The following DDX3X variants were observed in gnomAD, a reference collection of about 807,000 sequenced individuals.
DDX3X encodes ATP-dependent RNA helicase DDX3X.
In DDX3X, 4 loss-of-function variants were observed where a neutral mutation model predicts 52.7. That is an observed-to-expected ratio of 0.08 (90% CI 0.04 to 0.17). The LOEUF (loss-of-function observed/expected upper bound fraction) is 0.17, where lower values mean the gene tolerates loss of function less well. Ranked by LOEUF, DDX3X falls within the 10% of genes least tolerant of loss-of-function variation. The pLI is 1.00. For missense variants in DDX3X, 222 were observed against 548.6 expected, an observed-to-expected ratio of 0.40 and a Z score of 5.95; for synonymous variants, 192 against 178.1, an observed-to-expected ratio of 1.08 and a Z score of -0.62.
Position 41,348,246 on chromosome X carries a change from C to G in DDX3X, c.*527C>G, listed in dbSNP as rs1278700251. 10 of 155,339 alleles carry G rather than the reference C, an allele frequency of 6.4e-5. No homozygotes were observed. Among genetic ancestry groups the G allele is most frequent in the Middle Eastern group, 2.4e-3 (1 of 411 alleles). 12.8% of individuals were successfully genotyped at this position (155,339 alleles called of 1,213,427 possible). A position where few individuals can be genotyped will look rare whatever the true frequency, so the allele number is the denominator to read the frequency against. ...CTGCATTAGGGCTTTTTGATACTTG[C>G]AGATTGGGGGAAAACAACAAATGTC... On this transcript the variant is annotated 3_prime_UTR_variant, in exon 17 of 17. Transcript: ENST00000644876.
intron 1 of DDX3X, 114 bp downstream of exon 1, chrX:41,334,411 C>T: frequency 2.7e-6 from 3 of 1,129,547 alleles, no homozygotes; most frequent in South Asian, 4.2e-5. Context: ...CTGGGTGCCC[C>T]GGGCTGGCGG....
At chrX:41,352,149 CCT>C (rs751413952), downstream of DDX3X, among the ~76,000 whole-genome samples, 7 of 111,484 alleles carry the variant, frequency 6.3e-5, no homozygotes, top group South Asian at 2.6e-3. Context: ...GATACTATCT[CCT>C]CTAGGTGAAC....
Position 41,340,815 on chromosome X carries a change from G to A in DDX3X, c.152-669G>A, listed in dbSNP as rs888451700. On this transcript the variant is annotated intron_variant, in intron 3 of 16. Coordinates refer to ENST00000644876, the MANE Select transcript of DDX3X (RefSeq NM_001356.5). ...ACCTCCAAGAAACATGGAAACAATG[G>A]TAACTGTTTTTCCTAGTAAACTCAT... The A allele has an allele frequency of 1.7e-5, 5 of 294,767 alleles. No individual in the cohort carries two copies. The East Asian group carries it at 2.4e-4, about 14-fold the overall frequency. The allele number at this position is 294,767 out of a possible 1,213,427, so 24.3% of individuals were successfully genotyped here.
rs2063951408 is a variant in DDX3X, at chrX:41,348,311, C to G, written c.*592C>G. 8.4e-6 allele frequency: 1 copy of G among 118,728 alleles called. No individual in the cohort carries two copies. The highest frequency in any genetic ancestry group is 1.7e-5 in the Non-Finnish European group (1 of 57,570). 9.8% of individuals were successfully genotyped at this position (118,728 alleles called of 1,213,427 possible). ...TGGAATTAGTTTCTAATGTGGCAAA[C>G]TGTATTAAGTTAAAGTTCTGATTTG... On this transcript the variant is annotated 3_prime_UTR_variant, in exon 17 of 17. Transcript: ENST00000644876.
At chrX:41,360,318 C>G (rs1174842516) in intron 5 of DDX3X, among the ~76,000 whole-genome samples, 12 of 106,160 alleles carry the variant, frequency 1.1e-4, no homozygotes, top group Admixed American at 6.1e-4. Context: ...GCAGAAGTTG[C>G]GGTGAGCTGA....
At chrX:41,334,640 G>C in intron 1 of DDX3X, 3 of 1,069,316 alleles carry the variant, frequency 2.8e-6, no homozygotes, top group Non-Finnish European at 3.7e-6. Context: ...TTGCGGGAGT[G>C]CGCAGCGCGG....
chrX:41,351,002 AGC>A (rs1368644765), downstream of DDX3X: 6 of 112,245 alleles, frequency 5.3e-5, no homozygotes, highest in East Asian at 1.1e-3. Context: ...ACTCAAAATA[AGC>A]ATAAGTTTTT....
chrX:41,334,818 A>G, intron 1 of DDX3X: 1 of 870,956 alleles, frequency 1.1e-6, no homozygotes, highest in Non-Finnish European at 1.4e-6. Context: ...CGCTCGGGGT[A>G]ATGGCGGCGG....
intron 4 of DDX3X, chrX:41,341,937 T>C: frequency 5.0e-6 from 1 of 201,314 alleles, no homozygotes; most frequent in Non-Finnish European, 9.1e-6. Context: ...CTTGTATTTT[T>C]GATTACACAA....
chrX:41,346,701 AC>A lies in DDX3X; in HGVS notation c.1615+80del, dbSNP rs910878334. ...GAAAGAACTTGCTAGGATCTAAAAT[AC>A]ATTTTTAACAATGAAAGTGACAAAG... On this transcript the variant is annotated intron_variant, in intron 14 of 16. Coordinates refer to ENST00000644876, the MANE Select transcript of DDX3X (RefSeq NM_001356.5). 3 of 950,076 alleles carry A rather than the reference AC, an allele frequency of 3.2e-6. No individual in the cohort carries two copies. In the African/African-American group the frequency reaches 5.9e-5, roughly 19 times the overall value. 78.3% of individuals were successfully genotyped at this position (950,076 alleles called of 1,213,427 possible).
chrX:41,345,620 T>A (rs1569239536), intron 12 of DDX3X, 72 bp downstream of exon 12: 17 of 908,795 alleles, frequency 1.9e-5, no homozygotes, highest in Admixed American at 2.7e-5. Flanking sequence ...AGTGCAGGGG[T>A]TATTCACAGG....
chrX:41,355,865 G>A (rs1256775306), intron 5 of DDX3X, among the ~76,000 whole-genome samples: 1 of 110,097 alleles, frequency 9.1e-6, no homozygotes, highest in African/African-American at 3.3e-5. Flanking sequence ...TCTAATGGCT[G>A]GTGATGTTGA....
At chrX:41,335,641 C>G (rs1399956871) in intron 1 of DDX3X, 4 of 111,776 alleles carry the variant, frequency 3.6e-5, no homozygotes, top group Non-Finnish European at 7.5e-5. Flanking sequence ...CGGAATAATC[C>G]TGAGACGAAG....
Position 41,348,976 on chromosome X carries a change from A to G in DDX3X, c.*1257A>G, listed in dbSNP as rs940263723. 2 of 112,167 alleles carry G rather than the reference A, an allele frequency of 1.8e-5. No individual in the cohort carries two copies. The highest frequency in any genetic ancestry group is 6.5e-5 in the African/African-American group (2 of 30,797). 9.2% of individuals were successfully genotyped at this position (112,167 alleles called of 1,213,427 possible). A position where few individuals can be genotyped will look rare whatever the true frequency, so the allele number is the denominator to read the frequency against. The stretch of plus-strand genomic sequence containing the variant: ...AGTTGCATAGGTTTCCATTGTATTT[A>G]TAGTCTGTTTATGCTAAATCTGGCC... On this transcript the variant is annotated 3_prime_UTR_variant, in exon 17 of 17. Transcript: ENST00000644876.
chrX:41,345,992 C>T, intron 12 of DDX3X: 1 of 381,958 alleles, frequency 2.6e-6, no homozygotes, highest in Non-Finnish European at 4.5e-6. Context: ...GCCATGATTG[C>T]ACCTGCGAAT....
intron 5 of DDX3X, among the ~76,000 whole-genome samples, chrX:41,356,895 C>T (rs2064011462): frequency 9.3e-6 from 1 of 107,434 alleles, no homozygotes; most frequent in African/African-American, 3.4e-5. Flanking sequence ...ATATGCCTAT[C>T]CTTCCACCAT....
At chrX:41,334,113 G>A, upstream of DDX3X, 1 of 556,832 alleles carries the variant, frequency 1.8e-6, no homozygotes, top group Non-Finnish European at 3.0e-6. Flanking sequence ...TGCTGACGTA[G>A]CCGGCTTTCC....
chrX:41,359,505 G>A (rs1389434649), intron 5 of DDX3X, among the ~76,000 whole-genome samples: 1 of 106,239 alleles, frequency 9.4e-6, no homozygotes, highest in African/African-American at 3.5e-5. Flanking sequence ...GCTGAGGCAG[G>A]AGAATTGCTT....
intron 9 of DDX3X, 52 bp downstream of exon 9, chrX:41,344,180 G>GT: frequency 8.4e-7 from 1 of 1,190,369 alleles, no homozygotes; most frequent in South Asian, 1.8e-5. Context: ...CTAATTAAAT[G>GT]TTTTATGAAC....
Sources: gnomAD v4.1 joint callset for allele counts (sites outside exome capture counted in the v4.1 genomes callset) on GRCh38, gnomAD v4.1.1 for gene constraint, MANE v1.5 for transcripts, NCBI Gene and HGNC (gene_info 2026-07-23, HGNC 2026-07-21) for gene names.